The following PTPRG variants were observed in gnomAD, a reference collection of about 807,000 sequenced individuals.
The protein encoded by PTPRG is protein tyrosine phosphatase receptor type G.
A neutral mutation model predicts 165.3 loss-of-function variants in PTPRG; 102 were observed. The observed-to-expected ratio is 0.62, with a 90% CI of 0.53 to 0.73. PTPRG has a LOEUF of 0.73. Ranked by LOEUF, PTPRG falls within the 30% of genes least tolerant of loss-of-function variation. The probability of loss-of-function intolerance (pLI) is 0.00; values close to 1 mark genes in which losing one functional copy is unlikely to be tolerated. For synonymous variants in PTPRG, 675 were observed against 669.5 expected, an observed-to-expected ratio of 1.01 and a Z score of -0.13; for missense variants, 1,866 against 1,861.4, an observed-to-expected ratio of 1.00 and a Z score of -0.05.
intron 3 of PTPRG, among the ~76,000 whole-genome samples, chr3:62,000,449 CAT>C (rs907199182): frequency 2.0e-5 from 3 of 152,160 alleles, no homozygotes; most frequent in Non-Finnish European, 2.9e-5. Flanking sequence ...GGGAGGAAGA[CAT>C]GTGGGAAAAG....
chr3:61,868,903 TG>T (rs1050645219), intron 2 of PTPRG, among the ~76,000 whole-genome samples: 4 of 147,028 alleles, frequency 2.7e-5, no homozygotes, highest in African/African-American at 9.8e-5. Flanking sequence ...TTCAGAAGGG[TG>T]TTTTTTTTTT....
Position 62,190,100 on chromosome 3 carries a change from G to A in PTPRG, c.1034-1369G>A, listed in dbSNP as rs920500407. On this transcript the variant is annotated intron_variant, in intron 8 of 29. Transcript: ENST00000474889. This position sits in a 1 kb window ranked among gnomAD's most constrained non-coding sequence, Gnocchi z 5.2. ...GGCGTGCAGTGATGGCTCTGCGCAT[G>A]GGATTCTTTGGTGAGCCTCCATCTC... Among the ~76,000 whole-genome samples, 1 of 152,170 alleles carries A rather than the reference G, an allele frequency of 6.6e-6. No homozygotes were observed. The highest frequency in any genetic ancestry group is 6.5e-5 in the Admixed American group (1 of 15,274).
intron 5 of PTPRG, among the ~76,000 whole-genome samples, chr3:62,123,645 A>C (rs975362379): frequency 6.6e-6 from 1 of 152,170 alleles, no homozygotes. Flanking sequence ...GTTTATCATG[A>C]ATAAGTACAT....
intron 1 of PTPRG, among the ~76,000 whole-genome samples, chr3:61,686,783 A>G (rs1285062045): frequency 1.3e-5 from 2 of 152,192 alleles, no homozygotes; most frequent in Admixed American, 1.3e-4. Context: ...CTATTTCCCT[A>G]GATAGCCTTG....
intron 2 of PTPRG, among the ~76,000 whole-genome samples, chr3:61,957,757 C>T (rs2040066591): frequency 6.6e-6 from 1 of 152,156 alleles, no homozygotes; most frequent in Admixed American, 6.5e-5. Context: ...TGAAGAGCCC[C>T]TGTTTTCATG....
chr3:61,968,126 A>T (rs1409303319), intron 2 of PTPRG, among the ~76,000 whole-genome samples: 2 of 152,196 alleles, frequency 1.3e-5, no homozygotes, highest in Non-Finnish European at 2.9e-5. Flanking sequence ...TAAATGGATG[A>T]TGTCATTTTG....
chr3:61,588,193 A>C (rs187312174), intron 1 of PTPRG, among the ~76,000 whole-genome samples: 1 of 152,082 alleles, frequency 6.6e-6, no homozygotes, highest in Non-Finnish European at 1.5e-5. Flanking sequence ...TATTACAGTT[A>C]TGCGTCCTGT....
chr3:61,662,523 C>A (rs1276623100), intron 1 of PTPRG, among the ~76,000 whole-genome samples: 1 of 152,214 alleles, frequency 6.6e-6, no homozygotes, highest in Non-Finnish European at 1.5e-5. Context: ...GCTCTTACAT[C>A]CATGCCCCAC....
At chr3:62,101,113 T>C (rs554413075) in intron 5 of PTPRG, among the ~76,000 whole-genome samples, 16 of 152,316 alleles carry the variant, frequency 1.1e-4, no homozygotes, top group African/African-American at 3.8e-4. Flanking sequence ...AGTGTGAGGA[T>C]GTAGACAGAA....
intron 2 of PTPRG, among the ~76,000 whole-genome samples, chr3:61,815,405 A>G (rs1418009235): frequency 6.6e-6 from 1 of 152,106 alleles, no homozygotes; most frequent in Non-Finnish European, 1.5e-5. Flanking sequence ...CGTCTCAAAA[A>G]TTAAAATTAA....
At chr3:62,114,286 G>A (rs1048253907) in intron 5 of PTPRG, among the ~76,000 whole-genome samples, 5 of 152,038 alleles carry the variant, frequency 3.3e-5, no homozygotes, top group African/African-American at 1.2e-4. Flanking sequence ...GCAACCGAGT[G>A]AGACTTTGTC....
At chr3:62,079,901 G>A (rs1453339285) in intron 5 of PTPRG, among the ~76,000 whole-genome samples, 2 of 152,062 alleles carry the variant, frequency 1.3e-5, no homozygotes, top group South Asian at 2.1e-4. Flanking sequence ...GGAACATAGC[G>A]GACACTTGGA....
At chr3:61,695,902 A>G (rs1026538025) in intron 1 of PTPRG, among the ~76,000 whole-genome samples, 1 of 152,216 alleles carries the variant, frequency 6.6e-6, no homozygotes, top group Non-Finnish European at 1.5e-5. Context: ...CATTAATGTT[A>G]ATAAATACAT....
intron 8 of PTPRG, among the ~76,000 whole-genome samples, chr3:62,173,091 T>A (rs1289008254): frequency 6.6e-6 from 1 of 152,224 alleles, no homozygotes; most frequent in Non-Finnish European, 1.5e-5. Context: ...TAAAATGGTG[T>A]TGTATTTGCA....
At chr3:62,075,619 G>T (rs1701355208) in intron 4 of PTPRG, among the ~76,000 whole-genome samples, 1 of 152,196 alleles carries the variant, frequency 6.6e-6, no homozygotes, top group Non-Finnish European at 1.5e-5. Context: ...TTCCTAGGAA[G>T]TGTCCTGATT....
chr3:61,866,426 A>G (rs537960394), intron 2 of PTPRG, among the ~76,000 whole-genome samples: 3 of 151,912 alleles, frequency 2.0e-5, no homozygotes, highest in Non-Finnish European at 4.4e-5. Flanking sequence ...AGGCTGGAGT[A>G]GGGTTGAGGC....
intron 1 of PTPRG, among the ~76,000 whole-genome samples, chr3:61,716,922 A>G (rs111661126): frequency 0.057 from 8,661 of 152,280 alleles, 410 homozygotes; most frequent in African/African-American, 0.13. Context: ...CAGTGAGCCA[A>G]AATCGTGCCA....
chr3:62,048,943 T>C (rs1700381130), intron 4 of PTPRG, among the ~76,000 whole-genome samples: 1 of 152,208 alleles, frequency 6.6e-6, no homozygotes, highest in African/African-American at 2.4e-5. Context: ...CTTGAACAAG[T>C]AGACTGCTGC....
rs1275627000 is a variant in PTPRG, at chr3:62,294,227, A to G, written c.*920A>G. 6.6e-6 allele frequency: 1 copy of G among 152,124 alleles called. No homozygotes were observed. The highest frequency in any genetic ancestry group is 1.5e-5 in the Non-Finnish European group (1 of 68,000). 9.4% of individuals were successfully genotyped at this position (152,124 alleles called of 1,614,324 possible). On this transcript the variant is annotated 3_prime_UTR_variant, in exon 30 of 30. Transcript: ENST00000474889. ...AGAATGAAAACTTCTGCAGGTGTGT[A>G]ATTTTGAAACTAGTCCTCTAAAAAT...
Sources: allele counts gnomAD v4.1 joint callset (sites outside exome capture counted in the v4.1 genomes callset), GRCh38; gene constraint gnomAD v4.1.1; non-coding constraint Gnocchi (gnomAD v3.1); transcripts MANE v1.5; gene names NCBI Gene and HGNC (gene_info 2026-07-23, HGNC 2026-07-21).